SH2D3C: variants seen among roughly 807,000 people sequenced by gnomAD.
SH2D3C encodes the protein SH2 domain containing 3C.
Under a neutral mutation model 75.2 loss-of-function variants are expected in SH2D3C, and 25 were observed. The observed-to-expected ratio is 0.33, with a 90% confidence interval of 0.24 to 0.46. The LOEUF is 0.46. Ranked by LOEUF, SH2D3C falls within the 20% of genes least tolerant of loss-of-function variation. The probability of loss-of-function intolerance (pLI) is 1.00; values close to 1 mark genes in which losing one functional copy is unlikely to be tolerated. For missense variants in SH2D3C, 933 were observed against 1,165.3 expected, an observed-to-expected ratio of 0.80 and a Z score of 2.90; for synonymous variants, 450 against 473.7, an observed-to-expected ratio of 0.95 and a Z score of 0.65.
chr9:127,741,754 C>A, intron 9 of SH2D3C, 34 bp downstream of exon 9: 2 of 1,605,792 alleles, frequency 1.2e-6, no homozygotes, highest in South Asian at 1.1e-5. Flanking sequence ...TCCAGACAGT[C>A]TACCGGGTGC....
intron 2 of SH2D3C, among the ~76,000 whole-genome samples, chr9:127,767,968 G>T (rs1309981549): frequency 1.3e-5 from 2 of 152,222 alleles, no homozygotes; most frequent in African/African-American, 4.8e-5. Context: ...TTGGGGGGAT[G>T]TGGATCCAGC....
chr9:127,744,519 A>G (rs1444981502), intron 7 of SH2D3C, 45 bp downstream of exon 7: 2 of 1,552,526 alleles, frequency 1.3e-6, no homozygotes, highest in East Asian at 2.3e-5. Context: ...CCTGCCCCAC[A>G]GAACAGAGAT....
intron 2 of SH2D3C, among the ~76,000 whole-genome samples, chr9:127,770,137 G>A (rs1845706933): frequency 6.6e-6 from 1 of 152,074 alleles, no homozygotes; most frequent in South Asian, 2.1e-4. Context: ...AGGCTAGGCT[G>A]GTGCTTTCCT....
In SH2D3C at chr9:127,738,947, G is replaced by A. The variant is rs1425058795; in HGVS notation, c.2408-26C>T. 6.6e-7 allele frequency: 1 copy of A among 1,517,524 alleles called. No homozygotes were observed. The allele number at this position is 1,517,524 out of a possible 1,614,324, so 94.0% of individuals were successfully genotyped here. ...CTGCAGTGTTGGGGCATAGGGTCAGGGCAGAGGCTGGGGTTCCTGTCCAGA... is the reference window on the plus strand; with the variant it reads ...CTGCAGTGTTGGGGCATAGGGTCAGAGCAGAGGCTGGGGTTCCTGTCCAGA... On this transcript the variant is annotated intron_variant, in intron 11 of 11. Coordinates refer to ENST00000314830, the MANE Select transcript of SH2D3C (RefSeq NM_170600.3). The surrounding 1 kb of genome is among the most constrained non-coding windows in gnomAD (Gnocchi z 5.0).
Position 127,754,976 on chromosome 9 carries a change from G to A in SH2D3C, c.556-3676C>T. 1.8e-6 allele frequency: 1 copy of A among 548,502 alleles called. No homozygotes were observed. The highest frequency in any genetic ancestry group is 4.6e-5 in the Admixed American group (1 of 21,654). 34.0% of individuals were successfully genotyped at this position (548,502 alleles called of 1,614,324 possible). On this transcript the variant is annotated intron_variant, in intron 3 of 11. Transcript: ENST00000314830. The surrounding 1 kb of genome is among the most constrained non-coding windows in gnomAD (Gnocchi z 4.4). ...GGCCCAGCCCAGCCCGACCCTGCCGGGCGCCGCTGAGCTGCAGCTCCCCGG... is the reference window on the plus strand; with the variant it reads ...GGCCCAGCCCAGCCCGACCCTGCCGAGCGCCGCTGAGCTGCAGCTCCCCGG...
At chr9:127,767,550 A>G (rs1312066203) in intron 2 of SH2D3C, among the ~76,000 whole-genome samples, 1 of 152,154 alleles carries the variant, frequency 6.6e-6, no homozygotes, top group Non-Finnish European at 1.5e-5. Flanking sequence ...AAAAAACAAT[A>G]TTTCAACCAG....
rs1670928751 is a variant in SH2D3C at position 127,751,407 on chromosome 9, G to A, written c.556-107C>T. 1 of 1,090,562 alleles carries A rather than the reference G, an allele frequency of 9.2e-7. No individual in the cohort carries two copies. The highest frequency in any genetic ancestry group is 1.4e-5 in the South Asian group (1 of 73,326). The allele number at this position is 1,090,562 out of a possible 1,614,324, so 67.6% of individuals were successfully genotyped here. On this transcript the variant is annotated intron_variant, in intron 3 of 11. Transcript: ENST00000314830. The surrounding 1 kb of genome is among the most constrained non-coding windows in gnomAD (Gnocchi z 4.1). ...AACTCCTCCTATCCTGGGACTCTGG[G>A]AACACTAAGGCACAGGTGCCAGACC...
intron 2 of SH2D3C, among the ~76,000 whole-genome samples, chr9:127,773,292 A>G (rs563054024): frequency 6.9e-4 from 105 of 152,324 alleles, no homozygotes; most frequent in African/African-American, 2.4e-3. Flanking sequence ...GGTATTGTCC[A>G]GCAGAACTAA....
At position 127,754,524 on chromosome 9, in the gene SH2D3C, G is replaced by A. The variant is rs1180605475; in HGVS notation, c.556-3224C>T. On this transcript the variant is annotated intron_variant, in intron 3 of 11. Coordinates refer to ENST00000314830, the MANE Select transcript of SH2D3C (RefSeq NM_170600.3). This position sits in a 1 kb window ranked among gnomAD's most constrained non-coding sequence, Gnocchi z 4.4. The stretch of plus-strand genomic sequence containing the variant: ...TTAACCCTCTCACCGCCGCGGCGCC[G>A]TCCTGCACTGCCCGGCCAGCTGGGC... 6.6e-6 allele frequency among the ~76,000 whole-genome samples: 1 copy of A among 152,064 alleles called. No homozygotes were observed. Among genetic ancestry groups the A allele is most frequent in the East Asian group, 1.9e-4 (1 of 5,154 alleles).
Position 127,751,399 on chromosome 9 carries a change from G to A in SH2D3C, c.556-99C>T. The A allele has an allele frequency of 8.2e-7, 1 of 1,216,932 alleles. No individual in the cohort carries two copies. Among genetic ancestry groups the A allele is most frequent in the Non-Finnish European group, 1.2e-6 (1 of 843,178 alleles). 75.4% of individuals were successfully genotyped at this position (1,216,932 alleles called of 1,614,324 possible). On this transcript the variant is annotated intron_variant, in intron 3 of 11. Coordinates refer to ENST00000314830, the MANE Select transcript of SH2D3C (RefSeq NM_170600.3). The surrounding 1 kb of genome is among the most constrained non-coding windows in gnomAD (Gnocchi z 4.1). ...CATGGATGAACTCCTCCTATCCTGG[G>A]ACTCTGGGAACACTAAGGCACAGGT...
In SH2D3C at chr9:127,738,627, G is replaced by C; in HGVS notation, c.*119C>G. 8.9e-7 allele frequency: 1 copy of C among 1,121,462 alleles called. No individual in the cohort carries two copies. The highest frequency in any genetic ancestry group is 1.2e-6 in the Non-Finnish European group (1 of 818,044). 69.5% of individuals were successfully genotyped at this position (1,121,462 alleles called of 1,614,324 possible). ...CCCTGGAGGTGCAAGGGAGATGCTT[G>C]AGTTGAACCCAGAACATTCTCGGGT... is the stretch of plus-strand genomic sequence containing the variant. On this transcript the variant is annotated 3_prime_UTR_variant, in exon 12 of 12. Coordinates refer to ENST00000314830, the MANE Select transcript of SH2D3C (RefSeq NM_170600.3). This position sits in a 1 kb window ranked among gnomAD's most constrained non-coding sequence, Gnocchi z 5.0.
At chr9:127,757,103 A>ATTTT (rs1169901282) in intron 3 of SH2D3C, among the ~76,000 whole-genome samples, 2 of 122,664 alleles carry the variant, frequency 1.6e-5, no homozygotes, top group Non-Finnish European at 1.8e-5. Context: ...TGCTTGGCTA[A>ATTTT]TTTTTTTTTT....
chr9:127,757,642 G>GATTATTATTATTATTATT (rs1491460414), intron 3 of SH2D3C, among the ~76,000 whole-genome samples: 2 of 123,486 alleles, frequency 1.6e-5, no homozygotes, highest in Admixed American at 8.6e-5. Context: ...TGATGATGAT[G>GATTATTATTATTATTATT]ATGATTATTA....
At chr9:127,755,030 C>T (rs1845330646) in intron 3 of SH2D3C, 4 of 951,876 alleles carry the variant, frequency 4.2e-6, no homozygotes, top group Non-Finnish European at 5.3e-6. Flanking sequence ...GCGGAGCGGC[C>T]GGGGGTCCCA....
chr9:127,742,567 G>A (rs1233676227), intron 8 of SH2D3C: 4 of 359,316 alleles, frequency 1.1e-5, no homozygotes, highest in African/African-American at 2.1e-5. Flanking sequence ...CGAACAAGGA[G>A]GAGCCCCAGC....
chr9:127,747,456 A>G lies in SH2D3C; in HGVS notation c.1140-185T>C, dbSNP rs139711068. Reference sequence around the variant, plus strand: ...CCCAGATGAGGGAGGGGGCACAGCGAGTCAGGAGCAGAGCTAGGAACCCTG... The same window carrying G: ...CCCAGATGAGGGAGGGGGCACAGCGGGTCAGGAGCAGAGCTAGGAACCCTG... On this transcript the variant is annotated intron_variant, in intron 5 of 11. Coordinates refer to ENST00000314830, the MANE Select transcript of SH2D3C (RefSeq NM_170600.3). Among the ~76,000 whole-genome samples, 386 of 152,280 alleles carry G rather than the reference A, an allele frequency of 2.5e-3. 8 individuals are homozygous for G. In the East Asian group the frequency reaches 0.055, roughly 22 times the overall value.
In SH2D3C at chr9:127,751,308, G is replaced by GA; in HGVS notation, c.556-9dup. 1.9e-6 allele frequency: 3 copies of GA among 1,613,270 alleles called. No individual in the cohort carries two copies. The highest frequency in any genetic ancestry group is 2.5e-6 in the Non-Finnish European group (3 of 1,179,504). ...GTACTTCTCCTTGGAGAACTGGGTA[G>GA]AAAACAGCAAGAGTTGGCATCCAAC... On this transcript the variant is annotated splice_polypyrimidine_tract_variant and intron_variant, in intron 3 of 11. Coordinates refer to ENST00000314830, the MANE Select transcript of SH2D3C (RefSeq NM_170600.3). This position sits in a 1 kb window ranked among gnomAD's most constrained non-coding sequence, Gnocchi z 4.1.
intron 4 of SH2D3C, among the ~76,000 whole-genome samples, chr9:127,750,275 C>T (rs1845162886): frequency 1.3e-5 from 2 of 152,056 alleles, no homozygotes; most frequent in South Asian, 4.1e-4. Flanking sequence ...CTGCCTCAGC[C>T]TCCTGAGTAG....
rs560982389 is a variant in SH2D3C, at chr9:127,766,719, G to A, written c.516-5069C>T. 3.9e-5 allele frequency among the ~76,000 whole-genome samples: 6 copies of A among 152,220 alleles called. No homozygotes were observed. In the East Asian group the frequency reaches 5.8e-4, roughly 15 times the overall value. Reference sequence around the variant, plus strand: ...TGAGTAGCTGGGACTACAGGTCTGCGCCACCACGCCCGGCTAGTTTTTGTA... The same window carrying A: ...TGAGTAGCTGGGACTACAGGTCTGCACCACCACGCCCGGCTAGTTTTTGTA... On this transcript the variant is annotated intron_variant, in intron 2 of 11. Transcript: ENST00000314830.
Sources: gnomAD v4.1 joint callset for allele counts (sites outside exome capture counted in the v4.1 genomes callset) on GRCh38, gnomAD v4.1.1 for gene constraint, Gnocchi (gnomAD v3.1) non-coding constraint, MANE v1.5 for transcripts, NCBI Gene and HGNC (gene_info 2026-07-23, HGNC 2026-07-21) for gene names.